Variants in LIMCH1 observed in about 807,000 individuals in gnomAD.
LIMCH1 encodes LIM and calponin homology domains-containing protein 1.
LIMCH1 carries 113 observed loss-of-function variants against 176.5 expected under a neutral mutation model. The ratio of observed to expected loss-of-function variants is 0.64; its 90% CI spans 0.55 to 0.75. The LOEUF is 0.75. Ranked by LOEUF, LIMCH1 falls within the 30% of genes least tolerant of loss-of-function variation. The probability of loss-of-function intolerance (pLI) is 0.00; values close to 1 mark genes in which losing one functional copy is unlikely to be tolerated. For missense variants in LIMCH1, 1,674 were observed against 1,814.9 expected (o/e 0.92, Z 1.41); for synonymous variants, 619 against 645.9 (o/e 0.96, Z 0.63).
Position 41,425,370 on chromosome 4 carries a change from G to A in LIMCH1, c.96+64434G>A, listed in dbSNP as rs557401838. Among the ~76,000 whole-genome samples, 254 of 152,018 alleles carry A rather than the reference G, an allele frequency of 1.7e-3. 1 individual carries two copies. Among genetic ancestry groups the A allele is most frequent in the Non-Finnish European group, 2.9e-3 (196 of 67,996 alleles). ...CAGGCAGTTTTTCTTTTTTAAAGAC[G>A]GAGTCTCACTCTGTTGCCCAGGCTG... On this transcript the variant is annotated intron_variant, in intron 1 of 26. Coordinates refer to the LIMCH1 transcript ENST00000313860.
chr4:41,654,176 A>G (rs759235458), intron 18 of LIMCH1, among the ~76,000 whole-genome samples: 11 of 152,220 alleles, frequency 7.2e-5, no homozygotes, highest in Non-Finnish European at 1.0e-4. Flanking sequence ...TTTCAATCCT[A>G]TGATTGTGCA....
chr4:41,473,205 G>C, intron 1 of LIMCH1: 1 of 984,396 alleles, frequency 1.0e-6, no homozygotes, highest in South Asian at 4.7e-5. Flanking sequence ...GGTGTGTGCT[G>C]TTTACTGCAT....
At chr4:41,374,937 A>G (rs1392725801) in intron 1 of LIMCH1, among the ~76,000 whole-genome samples, 1 of 152,174 alleles carries the variant, frequency 6.6e-6, no homozygotes, top group Non-Finnish European at 1.5e-5. Context: ...CATGATCACC[A>G]GGGAAATAGA....
chr4:41,581,350 A>G lies in LIMCH1; in HGVS notation c.-240-17570A>G, dbSNP rs146952347. 2.5e-3 allele frequency among the ~76,000 whole-genome samples: 382 copies of G among 152,258 alleles called. 3 individuals carry two copies. Among genetic ancestry groups the G allele is most frequent in the Non-Finnish European group, 4.8e-3 (327 of 68,010 alleles). On this transcript the variant is annotated intron_variant, in intron 1 of 31. Coordinates refer to ENST00000503057, the MANE Select transcript of LIMCH1 (RefSeq NM_001330672.2). ...CTCTCCTAGCAAATTTCAAGTATACAATACAGTGTTATTAACTATAGTCAC... is the reference window on the plus strand; with the variant it reads ...CTCTCCTAGCAAATTTCAAGTATACGATACAGTGTTATTAACTATAGTCAC...
intron 1 of LIMCH1, among the ~76,000 whole-genome samples, chr4:41,384,487 C>T (rs1489517912): frequency 1.3e-5 from 2 of 152,026 alleles, no homozygotes; most frequent in Non-Finnish European, 2.9e-5. Flanking sequence ...GGATTACAGG[C>T]GTGAGCCACC....
At chr4:41,500,658 G>C (rs1200289418) in intron 2 of LIMCH1, among the ~76,000 whole-genome samples, 1 of 152,224 alleles carries the variant, frequency 6.6e-6, no homozygotes, top group Non-Finnish European at 1.5e-5. Context: ...GGCAAGGTCA[G>C]ATGTCCTGCC....
rs781620046 is a variant in LIMCH1 at position 41,663,008 on chromosome 4, C to A, written c.3291+24C>A. 1.4e-5 allele frequency: 23 copies of A among 1,603,648 alleles called. No homozygotes were observed. In the South Asian group the frequency reaches 2.4e-4, roughly 17 times the overall value. ...AGGTGAAGTGCAGAGTGGAGGAAAG[C>A]GGTTAAACCCACAAGTTAACATGGC... On this transcript the variant is annotated intron_variant, in intron 20 of 31. Coordinates refer to ENST00000503057, the MANE Select transcript of LIMCH1 (RefSeq NM_001330672.2).
intron 1 of LIMCH1, among the ~76,000 whole-genome samples, chr4:41,542,281 C>T (rs2078765034): frequency 6.6e-6 from 1 of 152,036 alleles, no homozygotes; most frequent in South Asian, 2.1e-4. Context: ...TTTATTTACA[C>T]TGCTAGTGTT....
chr4:41,442,583 A>C (rs1022970270), intron 1 of LIMCH1, among the ~76,000 whole-genome samples: 2 of 152,230 alleles, frequency 1.3e-5, no homozygotes, highest in Non-Finnish European at 2.9e-5. Flanking sequence ...TGTGTGGGTT[A>C]CCATTGTGGG....
chr4:41,648,578 T>C (rs2094155437), intron 17 of LIMCH1, among the ~76,000 whole-genome samples: 1 of 151,994 alleles, frequency 6.6e-6, no homozygotes, highest in Non-Finnish European at 1.5e-5. Context: ...GGACAGCAAC[T>C]TTGGTCAAAG....
At chr4:41,621,525 A>G (rs1273666602) in intron 7 of LIMCH1, among the ~76,000 whole-genome samples, 1 of 148,626 alleles carries the variant, frequency 6.7e-6, no homozygotes, top group Non-Finnish European at 1.5e-5. Flanking sequence ...TTTTTGAGAT[A>G]GAGTCTCACT....
intron 18 of LIMCH1, among the ~76,000 whole-genome samples, chr4:41,652,066 A>C (rs1484804649): frequency 6.6e-6 from 1 of 152,174 alleles, no homozygotes; most frequent in Non-Finnish European, 1.5e-5. Flanking sequence ...TATTATAGTT[A>C]CAAGAAGGGA....
At chr4:41,390,058 C>G (rs1217961993) in intron 1 of LIMCH1, among the ~76,000 whole-genome samples, 1 of 151,870 alleles carries the variant, frequency 6.6e-6, no homozygotes, top group Non-Finnish European at 1.5e-5. Flanking sequence ...TTTTTTTTAA[C>G]TGGAGAGACA....
At chr4:41,363,639 A>G (rs923282043) in intron 1 of LIMCH1, among the ~76,000 whole-genome samples, 10 of 152,302 alleles carry the variant, frequency 6.6e-5, no homozygotes, top group South Asian at 6.2e-4. Context: ...CTCGGCGTGC[A>G]GCCTTGGCTA....
At chr4:41,390,446 C>G (rs927638507) in intron 1 of LIMCH1, among the ~76,000 whole-genome samples, 5 of 152,124 alleles carry the variant, frequency 3.3e-5, no homozygotes, top group African/African-American at 1.2e-4. Flanking sequence ...GTCTGCCATG[C>G]GTGGTGTGCA....
At chr4:41,588,183 G>A (rs1250722686) in intron 1 of LIMCH1, among the ~76,000 whole-genome samples, 1 of 152,084 alleles carries the variant, frequency 6.6e-6, no homozygotes, top group East Asian at 1.9e-4. Flanking sequence ...AGAATATGCG[G>A]TGTTTGGTTT....
intron 1 of LIMCH1, among the ~76,000 whole-genome samples, chr4:41,421,790 A>G (rs1438749598): frequency 6.6e-6 from 1 of 152,182 alleles, no homozygotes. Flanking sequence ...AGATATCACA[A>G]TGAGATTAGA....
At chr4:41,474,701 G>A (rs997462416) in intron 1 of LIMCH1, among the ~76,000 whole-genome samples, 1 of 152,148 alleles carries the variant, frequency 6.6e-6, no homozygotes. Context: ...TCTGGAGAAC[G>A]GGAACCCTCA....
At chr4:41,426,692 G>A (rs1265151335) in intron 1 of LIMCH1, among the ~76,000 whole-genome samples, 1 of 152,162 alleles carries the variant, frequency 6.6e-6, no homozygotes, top group East Asian at 1.9e-4. Context: ...TTAAACTTAA[G>A]AGTTGGCACG....
Sources: gnomAD v4.1 joint callset for allele counts (sites outside exome capture counted in the v4.1 genomes callset) on GRCh38, gnomAD v4.1.1 for gene constraint, MANE v1.5 for transcripts, NCBI Gene and HGNC (gene_info 2026-07-23, HGNC 2026-07-21) for gene names.